Variants in TTC39C observed in about 807,000 individuals in gnomAD.
TTC39C encodes tetratricopeptide repeat protein 39C.
Under a neutral mutation model 76.3 loss-of-function variants are expected in TTC39C, and 33 were observed. That is an observed-to-expected ratio of 0.43 (90% CI 0.33 to 0.58). The LOEUF is 0.58. TTC39C is among the 20% of genes least tolerant of loss of function. TTC39C has a pLI of 0.04. For synonymous variants in TTC39C, 254 were observed against 260.6 expected (o/e 0.97, Z 0.24); for missense variants, 595 against 701.4 (o/e 0.85, Z 1.71).
At chr18:23,995,342 C>T (rs548945284) in intron 1 of TTC39C, among the ~76,000 whole-genome samples, 2 of 152,162 alleles carry the variant, frequency 1.3e-5, no homozygotes, top group Admixed American at 1.3e-4. Context: ...TGGTGGCGCG[C>T]GTCTGTAGTC....
At chr18:24,116,819 GTTTTTT>G (rs767138108) in intron 7 of TTC39C, among the ~76,000 whole-genome samples, 2 of 95,070 alleles carry the variant, frequency 2.1e-5, no homozygotes, top group African/African-American at 4.1e-5. Context: ...TGATACCTTA[GTTTTTT>G]TTTTTTTTTT....
chr18:24,017,580 C>T (rs11877733), intron 1 of TTC39C, among the ~76,000 whole-genome samples: 6,826 of 152,258 alleles, frequency 0.045, 400 homozygotes, highest in African/African-American at 0.13. Context: ...GGTAGCTTTT[C>T]TATTTAAAGT....
chr18:24,023,610 A>G (rs1366215832), intron 1 of TTC39C, among the ~76,000 whole-genome samples: 2 of 151,680 alleles, frequency 1.3e-5, no homozygotes, highest in African/African-American at 4.9e-5. Context: ...GCTCTGGGGT[A>G]CCCCTAGGGG....
chr18:24,042,408 G>A (rs1328616708), intron 1 of TTC39C, among the ~76,000 whole-genome samples: 32 of 152,112 alleles, frequency 2.1e-4, no homozygotes, highest in Admixed American at 2.1e-3. Flanking sequence ...CCCCCCACGT[G>A]CACAGTTCAC....
intron 6 of TTC39C, among the ~76,000 whole-genome samples, chr18:24,105,623 G>A (rs1338398776): frequency 2.0e-5 from 3 of 152,202 alleles, no homozygotes; most frequent in Non-Finnish European, 2.9e-5. Flanking sequence ...GGAGCACTGT[G>A]ACTTGCCTCA....
intron 1 of TTC39C, among the ~76,000 whole-genome samples, chr18:24,002,237 A>G (rs1013948773): frequency 6.6e-6 from 1 of 152,292 alleles, no homozygotes; most frequent in East Asian, 1.9e-4. Context: ...AAGCAGCACC[A>G]TCAGAATCAT....
intron 1 of TTC39C, among the ~76,000 whole-genome samples, chr18:24,022,113 A>G (rs2083523984): frequency 1.3e-5 from 2 of 152,232 alleles, no homozygotes; most frequent in African/African-American, 2.4e-5. Flanking sequence ...GATTTCAGGT[A>G]TATGGGAGGA....
intron 6 of TTC39C, among the ~76,000 whole-genome samples, chr18:24,083,530 T>G (rs2084403050): frequency 6.6e-6 from 1 of 152,224 alleles, no homozygotes; most frequent in African/African-American, 2.4e-5. Flanking sequence ...TTTATCACAT[T>G]TTCATGTGCT....
intron 1 of TTC39C, among the ~76,000 whole-genome samples, chr18:24,037,239 T>C (rs2083743212): frequency 1.3e-5 from 2 of 152,212 alleles, no homozygotes; most frequent in Admixed American, 1.3e-4. Context: ...TAAGATCAGT[T>C]TGTATGGTTT....
At chr18:24,110,105 A>G (rs1481543773) in intron 6 of TTC39C, among the ~76,000 whole-genome samples, 2 of 152,222 alleles carry the variant, frequency 1.3e-5, no homozygotes, top group East Asian at 3.8e-4. Context: ...GACTTATTCC[A>G]AAAAGGCAGC....
At chr18:24,055,151 C>T (rs2083999451) in intron 1 of TTC39C, among the ~76,000 whole-genome samples, 1 of 152,142 alleles carries the variant, frequency 6.6e-6, no homozygotes, top group South Asian at 2.1e-4. Context: ...TGTCTATGGG[C>T]ACTTGAGTTG....
At chr18:24,075,694 A>AC (rs1246832088) in intron 4 of TTC39C, among the ~76,000 whole-genome samples, 5 of 141,544 alleles carry the variant, frequency 3.5e-5, no homozygotes, top group African/African-American at 9.0e-5. Context: ...CAAAAAAAAA[A>AC]AAAAAAAAAC....
chr18:24,077,888 G>T (rs2084325984), intron 4 of TTC39C, among the ~76,000 whole-genome samples: 1 of 152,086 alleles, frequency 6.6e-6, no homozygotes, highest in South Asian at 2.1e-4. Context: ...AATCCACTTT[G>T]TTAGTATAAA....
intron 6 of TTC39C, among the ~76,000 whole-genome samples, chr18:24,088,954 T>C (rs1568433219): frequency 6.6e-6 from 1 of 152,224 alleles, no homozygotes. Context: ...CTTTTAAAAG[T>C]GGGCTTTAGT....
chr18:24,001,238 T>C (rs1478939174), intron 1 of TTC39C, among the ~76,000 whole-genome samples: 1 of 152,214 alleles, frequency 6.6e-6, no homozygotes, highest in Non-Finnish European at 1.5e-5. Flanking sequence ...TTAGACTTAA[T>C]ATCTGGAAAA....
intron 4 of TTC39C, among the ~76,000 whole-genome samples, chr18:24,076,160 A>G (rs1320263529): frequency 6.6e-6 from 1 of 151,998 alleles, no homozygotes; most frequent in Non-Finnish European, 1.5e-5. Context: ...TGTATTTTTT[A>G]GTAGAGACAG....
At chr18:24,024,301 G>A (rs1377460028) in intron 1 of TTC39C, among the ~76,000 whole-genome samples, 1 of 151,568 alleles carries the variant, frequency 6.6e-6, no homozygotes, top group Non-Finnish European at 1.5e-5. Context: ...ATGAGCCACC[G>A]CGCCTGGCCT....
chr18:24,002,032 T>G (rs1238602076), intron 1 of TTC39C, among the ~76,000 whole-genome samples: 1 of 152,108 alleles, frequency 6.6e-6, no homozygotes, highest in Non-Finnish European at 1.5e-5. Flanking sequence ...GGTAATTCTG[T>G]TTTGTCGTTG....
At position 24,046,891 on chromosome 18, in the gene TTC39C, A is replaced by C. The variant is rs532970877; in HGVS notation, c.168-17249A>C. Among the ~76,000 whole-genome samples, 11 of 151,920 alleles carry C rather than the reference A, an allele frequency of 7.2e-5. No homozygotes were observed. In the South Asian group the frequency reaches 2.3e-3, roughly 31 times the overall value. ...TGCTTCCACAGAAAAAATACATTTAAACGTATTTTATTTTTGCTTCAAATA... is the reference window on the plus strand; with the variant it reads ...TGCTTCCACAGAAAAAATACATTTACACGTATTTTATTTTTGCTTCAAATA... On this transcript the variant is annotated intron_variant, in intron 1 of 13. Coordinates refer to ENST00000317571, the MANE Select transcript of TTC39C (RefSeq NM_001135993.2).
Sources: gnomAD v4.1 joint callset for allele counts (sites outside exome capture counted in the v4.1 genomes callset) on GRCh38, gnomAD v4.1.1 for gene constraint, MANE v1.5 for transcripts, NCBI Gene and HGNC (gene_info 2026-07-23, HGNC 2026-07-21) for gene names.